The following ADAMTSL1 variants were observed in gnomAD, a reference collection of about 807,000 sequenced individuals.
The protein encoded by ADAMTSL1 is ADAMTS-like protein 1.
In ADAMTSL1, 126 loss-of-function variants were observed where a neutral mutation model predicts 201.8. The observed-to-expected ratio is 0.62, with a 90% CI of 0.54 to 0.72. The LOEUF (loss-of-function observed/expected upper bound fraction) is 0.72. Ranked by LOEUF, ADAMTSL1 falls within the 30% of genes least tolerant of loss-of-function variation. ADAMTSL1 has a pLI of 0.00. For synonymous variants in ADAMTSL1, 1,121 were observed against 903.4 expected (o/e 1.24, Z -4.32); for missense variants, 2,679 against 2,277.8 (o/e 1.18, Z -3.59).
chr9:18,487,433 A>G (rs1822055259), intron 1 of ADAMTSL1, among the ~76,000 whole-genome samples: 1 of 152,226 alleles, frequency 6.6e-6, no homozygotes, highest in Admixed American at 6.5e-5. Context: ...TTTAAATCAC[A>G]TGGTCCTTCT....
Position 18,838,445 on chromosome 9 carries a change from G to A in ADAMTSL1, c.4249+8468G>A, listed in dbSNP as rs551772301. ...TAGAAATTGTCCTCAGGAAGGTAGG[G>A]AAAGAGAGAAAAGCTCTAAAGAGCC... On this transcript the variant is annotated intron_variant, in intron 23 of 28. Coordinates refer to ENST00000380548, the MANE Select transcript of ADAMTSL1 (RefSeq NM_001040272.6). Among the ~76,000 whole-genome samples the A allele has an allele frequency of 4.7e-4, 71 of 151,522 alleles. 1 individual carries two copies. In the South Asian group the frequency reaches 0.014, roughly 30 times the overall value.
At chr9:18,375,790 T>G (rs1224721958) in intron 2 of ADAMTSL1, among the ~76,000 whole-genome samples, 1 of 152,218 alleles carries the variant, frequency 6.6e-6, no homozygotes, top group Non-Finnish European at 1.5e-5. Context: ...TTTTATTCCC[T>G]TTTTTGTCCC....
chr9:18,156,193 A>G (rs1827142278), intron 1 of ADAMTSL1, among the ~76,000 whole-genome samples: 1 of 151,982 alleles, frequency 6.6e-6, no homozygotes, highest in African/African-American at 2.4e-5. Context: ...CTCAGTGCAA[A>G]CAACGAGGTG....
chr9:18,503,525 C>T (rs1195523844), intron 1 of ADAMTSL1, among the ~76,000 whole-genome samples: 7 of 151,414 alleles, frequency 4.6e-5, no homozygotes, highest in African/African-American at 1.7e-4. Flanking sequence ...AACTCTTTCA[C>T]TGCTCAAAAA....
intron 2 of ADAMTSL1, among the ~76,000 whole-genome samples, chr9:18,230,634 A>G (rs1243786635): frequency 6.6e-6 from 1 of 152,186 alleles, no homozygotes; most frequent in Non-Finnish European, 1.5e-5. Context: ...GAATTACTCT[A>G]AGAGGGGTCC....
At chr9:18,719,500 G>A (rs540237876) in intron 14 of ADAMTSL1, among the ~76,000 whole-genome samples, 321 of 152,166 alleles carry the variant, frequency 2.1e-3, no homozygotes, top group Non-Finnish European at 3.8e-3. Context: ...AAGTAGCTGG[G>A]ATTACAGGTG....
intron 2 of ADAMTSL1, among the ~76,000 whole-genome samples, chr9:18,326,154 T>C (rs188184151): frequency 2.1e-4 from 32 of 152,294 alleles, no homozygotes; most frequent in Admixed American, 1.8e-3. Context: ...TTGGAGAGGA[T>C]CAAGTTTCAA....
chr9:18,567,187 G>A (rs1490178422), intron 3 of ADAMTSL1, among the ~76,000 whole-genome samples: 1 of 152,176 alleles, frequency 6.6e-6, no homozygotes, highest in African/African-American at 2.4e-5. Flanking sequence ...TGACTAGGCT[G>A]GGCAAGGTGG....
chr9:18,552,758 TC>T (rs371144570), intron 3 of ADAMTSL1, among the ~76,000 whole-genome samples: 107 of 151,850 alleles, frequency 7.0e-4, no homozygotes, highest in African/African-American at 2.5e-3. Context: ...AGCTAATCTT[TC>T]TTCATAAGTT....
chr9:18,506,578 G>A (rs978771407), intron 2 of ADAMTSL1, among the ~76,000 whole-genome samples: 1 of 130,156 alleles, frequency 7.7e-6, no homozygotes, highest in African/African-American at 2.9e-5. Context: ...ATCAAATATT[G>A]ATGCCATGCG....
intron 2 of ADAMTSL1, among the ~76,000 whole-genome samples, chr9:18,449,937 GAGAGTGCTTCAGAAA>G (rs1261324310): frequency 6.6e-6 from 1 of 152,188 alleles, no homozygotes; most frequent in East Asian, 1.9e-4. Context: ...TGCAAAATGG[GAGAGTGCTTCAGAAA>G]ATAGGTTGGC....
chr9:18,445,027 T>C (rs1250806465), intron 2 of ADAMTSL1, among the ~76,000 whole-genome samples: 1 of 152,122 alleles, frequency 6.6e-6, no homozygotes, highest in African/African-American at 2.4e-5. Flanking sequence ...TAGAATGTTA[T>C]AGATTCAGGA....
At chr9:18,669,975 T>C (rs189705201) in intron 9 of ADAMTSL1, among the ~76,000 whole-genome samples, 10 of 152,314 alleles carry the variant, frequency 6.6e-5, no homozygotes. Context: ...CTCCATGCTT[T>C]GCTACTCACG....
intron 26 of ADAMTSL1, 32 bp from the exon 27 acceptor site, chr9:18,905,750 T>C (rs773154239): frequency 1.9e-6 from 3 of 1,573,750 alleles, no homozygotes; most frequent in South Asian, 2.3e-5. Context: ...ACTTGGCTAA[T>C]GTGCGGTATG....
At chr9:18,618,582 C>CAA (rs35996734) in intron 4 of ADAMTSL1, among the ~76,000 whole-genome samples, 48 of 132,298 alleles carry the variant, frequency 3.6e-4, no homozygotes, top group South Asian at 2.5e-3. Context: ...TATTCTCTCA[C>CAA]AAAAAAAAAA....
intron 3 of ADAMTSL1, among the ~76,000 whole-genome samples, chr9:18,555,344 G>A (rs1285506020): frequency 1.3e-5 from 2 of 151,850 alleles, no homozygotes; most frequent in African/African-American, 4.8e-5. Context: ...TTTTGTCTCT[G>A]AGGAAACTTC....
At chr9:17,913,596 A>G (rs1398521819) in intron 1 of ADAMTSL1, among the ~76,000 whole-genome samples, 4 of 152,174 alleles carry the variant, frequency 2.6e-5, no homozygotes, top group African/African-American at 7.2e-5. Context: ...ACACCCTAAC[A>G]TCACAATTAA....
intron 2 of ADAMTSL1, among the ~76,000 whole-genome samples, chr9:18,362,709 T>A (rs1448969310): frequency 6.6e-6 from 1 of 152,176 alleles, no homozygotes; most frequent in Non-Finnish European, 1.5e-5. Context: ...AATTGATAAA[T>A]CAAGATTTCC....
At chr9:18,649,861 C>T (rs1468209125) in intron 7 of ADAMTSL1, among the ~76,000 whole-genome samples, 1 of 152,182 alleles carries the variant, frequency 6.6e-6, no homozygotes, top group Non-Finnish European at 1.5e-5. Context: ...CTTGAGGAGG[C>T]AGTCTGCCCG....
Sources: gnomAD v4.1 joint callset for allele counts (sites outside exome capture counted in the v4.1 genomes callset) on GRCh38, gnomAD v4.1.1 for gene constraint, MANE v1.5 for transcripts, NCBI Gene and HGNC (gene_info 2026-07-23, HGNC 2026-07-21) for gene names.